RNF2: variants seen among roughly 807,000 people sequenced by gnomAD.
RNF2 encodes the protein E3 ubiquitin-protein ligase RING2.
In RNF2, 6 loss-of-function variants were observed where a neutral mutation model predicts 37.2. That is an observed-to-expected ratio of 0.16 (90% CI 0.09 to 0.32). RNF2 has a LOEUF of 0.32. RNF2 is among the 10% of genes least tolerant of loss of function. The probability of loss-of-function intolerance (pLI) is 1.00; values close to 1 mark genes in which losing one functional copy is unlikely to be tolerated. For synonymous variants in RNF2, 133 were observed against 132.7 expected, an observed-to-expected ratio of 1.00 and a Z score of -0.02; for missense variants, 251 against 404.0, an observed-to-expected ratio of 0.62 and a Z score of 3.25.
chr1:185,082,589 A>C (rs1454494401), intron 1 of RNF2, among the ~76,000 whole-genome samples: 1 of 151,704 alleles, frequency 6.6e-6, no homozygotes, highest in East Asian at 1.9e-4. Context: ...TCCTGACCTC[A>C]GGTAATCTAC....
chr1:185,072,268 G>A (rs1228877432), intron 1 of RNF2, among the ~76,000 whole-genome samples: 1 of 151,994 alleles, frequency 6.6e-6, no homozygotes, highest in Non-Finnish European at 1.5e-5. Context: ...ATTTTTTTAG[G>A]CATGAAAATG....
intron 1 of RNF2, among the ~76,000 whole-genome samples, chr1:185,070,701 C>T (rs1391970586): frequency 2.0e-5 from 3 of 148,268 alleles, no homozygotes; most frequent in African/African-American, 5.0e-5. Flanking sequence ...TGCAGTGGCG[C>T]GATCTCAGCT....
chr1:185,082,598 ACCC>A (rs1353551582), intron 1 of RNF2, among the ~76,000 whole-genome samples: 2 of 150,660 alleles, frequency 1.3e-5, no homozygotes, highest in Admixed American at 1.3e-4. Context: ...CAGGTAATCT[ACCC>A]TCCTTGGCCT....
intron 1 of RNF2, among the ~76,000 whole-genome samples, chr1:185,061,938 G>GT (rs1483028725): frequency 1.3e-5 from 2 of 152,128 alleles, no homozygotes; most frequent in Non-Finnish European, 2.9e-5. Context: ...CAGCCCTGTG[G>GT]TTCACCCAAG....
At chr1:185,067,648 C>G (rs961152174) in intron 1 of RNF2, among the ~76,000 whole-genome samples, 1 of 147,206 alleles carries the variant, frequency 6.8e-6, no homozygotes, top group Admixed American at 6.8e-5. Flanking sequence ...AAGTGTATAT[C>G]AAACAAATGA....
intron 1 of RNF2, among the ~76,000 whole-genome samples, chr1:185,059,599 A>C (rs905612979): frequency 3.3e-5 from 5 of 152,176 alleles, no homozygotes; most frequent in Admixed American, 6.5e-5. Context: ...AGACATCTTC[A>C]TGTTAATGGC....
At chr1:185,085,716 C>T (rs780711926) in intron 1 of RNF2, among the ~76,000 whole-genome samples, 1 of 150,436 alleles carries the variant, frequency 6.6e-6, no homozygotes. Context: ...TGCAATGGCG[C>T]GATCTCAGCT....
chr1:185,054,459 G>A (rs1650368295), intron 1 of RNF2, among the ~76,000 whole-genome samples: 1 of 152,156 alleles, frequency 6.6e-6, no homozygotes. Flanking sequence ...TGCAATACTG[G>A]CAAGCAGGCC....
intron 2 of RNF2, among the ~76,000 whole-genome samples, chr1:185,091,301 A>G (rs1406427662): frequency 6.6e-6 from 1 of 152,230 alleles, no homozygotes; most frequent in Non-Finnish European, 1.5e-5. Flanking sequence ...AATTTTTTGT[A>G]TTATACCAGA....
intron 4 of RNF2, among the ~76,000 whole-genome samples, chr1:185,094,263 G>A (rs1339267423): frequency 3.3e-5 from 5 of 151,814 alleles, no homozygotes; most frequent in Non-Finnish European, 2.9e-5. Flanking sequence ...CTGCTTTAGC[G>A]TCTTGAGTAG....
intron 1 of RNF2, among the ~76,000 whole-genome samples, chr1:185,058,598 A>C (rs1293169912): frequency 6.6e-6 from 1 of 152,234 alleles, no homozygotes; most frequent in African/African-American, 2.4e-5. Context: ...ATTGTTCGGT[A>C]ATGTGGAATG....
intron 1 of RNF2, among the ~76,000 whole-genome samples, chr1:185,054,447 C>T (rs1482888389): frequency 1.3e-5 from 2 of 152,192 alleles, no homozygotes; most frequent in East Asian, 3.9e-4. Context: ...ATAGCTGGGC[C>T]TTGCAATACT....
intron 1 of RNF2, among the ~76,000 whole-genome samples, chr1:185,067,911 G>A (rs985498821): frequency 1.3e-5 from 2 of 151,394 alleles, no homozygotes; most frequent in African/African-American, 4.9e-5. Context: ...GGGTTTCACC[G>A]TGTTGGCCAG....
chr1:185,058,250 G>T (rs1406547176), intron 1 of RNF2, among the ~76,000 whole-genome samples: 1 of 152,214 alleles, frequency 6.6e-6, no homozygotes, highest in Non-Finnish European at 1.5e-5. Context: ...ATGTGTGTAG[G>T]TTATGCAAAT....
chr1:185,073,857 G>A (rs1290499403), intron 1 of RNF2, among the ~76,000 whole-genome samples: 1 of 152,202 alleles, frequency 6.6e-6, no homozygotes, highest in Non-Finnish European at 1.5e-5. Flanking sequence ...CCAACTGGGT[G>A]TCCAACAGTT....
chr1:185,085,843 G>A (rs984082569), intron 1 of RNF2, among the ~76,000 whole-genome samples: 4 of 151,920 alleles, frequency 2.6e-5, no homozygotes, highest in East Asian at 1.9e-4. Context: ...TAGTAGAGAC[G>A]GTTTCACCAT....
At chr1:185,091,401 T>G (rs1041456706) in intron 2 of RNF2, among the ~76,000 whole-genome samples, 178 bp from the exon 3 acceptor site, 3 of 152,190 alleles carry the variant, frequency 2.0e-5, no homozygotes, top group Non-Finnish European at 4.4e-5. Context: ...GTGGTGAGGC[T>G]GAGGGGAGCT....
chr1:185,045,930 C>T (rs1402051333), intron 1 of RNF2, among the ~76,000 whole-genome samples: 1 of 152,152 alleles, frequency 6.6e-6, no homozygotes, highest in African/African-American at 2.4e-5. Flanking sequence ...GGGATTCCTT[C>T]CTTCGCCGCG....
At chr1:185,063,782 A>T (rs142442884) in intron 1 of RNF2, among the ~76,000 whole-genome samples, 78 of 152,112 alleles carry the variant, frequency 5.1e-4, no homozygotes, top group African/African-American at 1.8e-3. Context: ...CTGCATTCTA[A>T]TTTGCAGCCC....
Sources: gnomAD v4.1 joint callset for allele counts (sites outside exome capture counted in the v4.1 genomes callset) on GRCh38, gnomAD v4.1.1 for gene constraint, MANE v1.5 for transcripts, NCBI Gene and HGNC (gene_info 2026-07-23, HGNC 2026-07-21) for gene names.